Variants in PTCHD4 observed in about 807,000 individuals in gnomAD.
PTCHD4 encodes patched domain containing 4.
In PTCHD4, 33 loss-of-function variants were observed where a neutral mutation model predicts 58.1. That is an observed-to-expected ratio of 0.57 (90% confidence interval 0.43 to 0.76). PTCHD4 has a LOEUF of 0.76. Among genes scored for constraint, PTCHD4 ranks in the 30% least tolerant of loss-of-function variants. The pLI is 0.00. For missense variants in PTCHD4, 1,058 were observed against 1,027.1 expected (o/e 1.03, Z -0.41); for synonymous variants, 478 against 409.6 (o/e 1.17, Z -2.02).
intron 1 of PTCHD4, among the ~76,000 whole-genome samples, chr6:48,079,556 A>G (rs2113892118): frequency 6.6e-6 from 1 of 151,750 alleles, no homozygotes; most frequent in East Asian, 1.9e-4. Context: ...CAAGTAGGGC[A>G]GAGGAGAAAA....
chr6:48,009,147 C>T (rs546341937), intron 3 of PTCHD4, 33 bp from the exon 4 acceptor site: 27 of 1,562,076 alleles, frequency 1.7e-5, no homozygotes, highest in African/African-American at 4.1e-5. Flanking sequence ...ACTTCAGTTA[C>T]GGATGTATAT....
chr6:48,033,487 G>T (rs948240808), intron 3 of PTCHD4, among the ~76,000 whole-genome samples: 1 of 151,256 alleles, frequency 6.6e-6, no homozygotes, highest in Non-Finnish European at 1.5e-5. Context: ...AGTGAGACCG[G>T]CCTTCCCCTT....
At chr6:47,974,366 A>G (rs562462574) in intron 4 of PTCHD4, among the ~76,000 whole-genome samples, 1 of 152,328 alleles carries the variant, frequency 6.6e-6, no homozygotes, top group South Asian at 2.1e-4. Context: ...GTAATTAAAC[A>G]TGGACTTTGA....
intron 4 of PTCHD4, among the ~76,000 whole-genome samples, chr6:47,929,759 G>A (rs1387299120): frequency 6.6e-6 from 1 of 152,210 alleles, no homozygotes; most frequent in Non-Finnish European, 1.5e-5. Flanking sequence ...AAGTCTGTGT[G>A]CCAACACAAG....
intron 3 of PTCHD4, among the ~76,000 whole-genome samples, chr6:48,048,283 G>A (rs572066387): frequency 3.9e-5 from 6 of 152,024 alleles, no homozygotes; most frequent in African/African-American, 1.4e-4. Flanking sequence ...TTATCATCAA[G>A]CAGTCATTCA....
rs1474593786 is a variant in PTCHD4, at chr6:47,861,491, A to G, written c.*16812T>C. Among the ~76,000 whole-genome samples the G allele has an allele frequency of 2.0e-5, 3 of 151,906 alleles. No individual in the cohort carries two copies. Among genetic ancestry groups the G allele is most frequent in the Non-Finnish European group, 4.4e-5 (3 of 67,906 alleles). The stretch of plus-strand genomic sequence containing the variant: ...CTCAAGGCTGTATCTGCTGTGTTTA[A>G]TACACTAATCAATCATTAGGCATCC... On this transcript the variant is annotated 3_prime_UTR_variant, in exon 5 of 5. Coordinates refer to ENST00000339488, the MANE Select transcript of PTCHD4 (RefSeq NM_001384253.1).
intron 4 of PTCHD4, among the ~76,000 whole-genome samples, chr6:47,994,900 T>G (rs1472752459): frequency 6.6e-6 from 1 of 152,084 alleles, no homozygotes; most frequent in Non-Finnish European, 1.5e-5. Flanking sequence ...TAAGAAGAAT[T>G]AGAATGGACA....
At chr6:47,984,793 T>G (rs977276547) in intron 4 of PTCHD4, among the ~76,000 whole-genome samples, 4 of 152,098 alleles carry the variant, frequency 2.6e-5, no homozygotes, top group Non-Finnish European at 5.9e-5. Flanking sequence ...TTGTCATAAT[T>G]GCACTTATGA....
intron 4 of PTCHD4, among the ~76,000 whole-genome samples, chr6:47,985,428 A>G (rs937779035): frequency 1.3e-5 from 2 of 152,160 alleles, no homozygotes; most frequent in African/African-American, 4.8e-5. Context: ...AAGCATATAC[A>G]TAGACAGCAA....
intron 1 of PTCHD4, among the ~76,000 whole-genome samples, chr6:48,094,523 G>A (rs1765424176): frequency 6.6e-6 from 1 of 152,198 alleles, no homozygotes; most frequent in African/African-American, 2.4e-5. Flanking sequence ...TCAACTGAGA[G>A]CAGCACTGAC....
chr6:47,879,514 G>C lies in PTCHD4; in HGVS notation c.1321C>G (p.His441Asp), dbSNP rs1358015076. 2 of 1,613,692 alleles carry C rather than the reference G, an allele frequency of 1.2e-6. No homozygotes were observed. The highest frequency in any genetic ancestry group is 1.1e-5 in the South Asian group (1 of 91,072). Residue 441 changes from histidine (H) to aspartate (D), a missense_variant, in exon 5 of 5, where the codon CAC becomes GAC. Transcript: ENST00000339488. ...SHHETNPYQHHFIQHFLREHY... is the reference protein window; with the variant it reads ...SHHETNPYQHDFIQHFLREHY... The stretch of plus-strand genomic sequence containing the variant: ...TCACGGAGGAAGTGCTGAATGAAGT[G>C]GTGCTGGTAGGGGTTCGTCTCATGA...
At chr6:47,948,002 A>G (rs1766488151) in intron 4 of PTCHD4, among the ~76,000 whole-genome samples, 1 of 152,110 alleles carries the variant, frequency 6.6e-6, no homozygotes, top group Admixed American at 6.6e-5. Context: ...TAATTTCTTC[A>G]GCTTGATTTC....
intron 4 of PTCHD4, among the ~76,000 whole-genome samples, chr6:47,925,986 A>G (rs755409592): frequency 2.0e-4 from 30 of 152,292 alleles, no homozygotes; most frequent in Admixed American, 7.8e-4. Flanking sequence ...ACTCTCGCAA[A>G]TGAGACTCTT....
rs539364435 is a variant in PTCHD4 at position 47,937,816 on chromosome 6, T to G, written c.899-57880A>C. On this transcript the variant is annotated intron_variant, in intron 4 of 4. Coordinates refer to ENST00000339488, the MANE Select transcript of PTCHD4 (RefSeq NM_001384253.1). ...GCAATGGAGACTTGGAAGAAGCAAC[T>G]ACATTGGAATAAAACCAAGAAGGAG... 2.6e-4 allele frequency among the ~76,000 whole-genome samples: 39 copies of G among 152,250 alleles called. 2 individuals are homozygous for G. In the South Asian group the frequency reaches 7.9e-3, roughly 31 times the overall value.
chr6:47,977,142 C>G (rs1205444177), intron 4 of PTCHD4, among the ~76,000 whole-genome samples: 35 of 152,260 alleles, frequency 2.3e-4, no homozygotes, highest in East Asian at 1.9e-4. Context: ...CAGAGTTATA[C>G]AGAAGTTAAG....
At chr6:48,037,145 C>T (rs1045195971) in intron 3 of PTCHD4, among the ~76,000 whole-genome samples, 3 of 152,064 alleles carry the variant, frequency 2.0e-5, no homozygotes, top group East Asian at 1.9e-4. Flanking sequence ...TATTATCTCA[C>T]GTCATGACTA....
rs144045350 is a variant in PTCHD4 at position 48,007,168 on chromosome 6, C to T, written c.898+1466G>A. On this transcript the variant is annotated intron_variant, in intron 4 of 4. Coordinates refer to ENST00000339488, the MANE Select transcript of PTCHD4 (RefSeq NM_001384253.1). ...GGCAAGAGGATCATTTGAACCTGAG[C>T]AAGAGAGGTTGCAGTGAGTTGAGAT... is the stretch of plus-strand genomic sequence containing the variant. Among the ~76,000 whole-genome samples, 822 of 152,044 alleles carry T rather than the reference C, an allele frequency of 5.4e-3. 8 individuals carry two copies. The highest frequency in any genetic ancestry group is 0.019 in the African/African-American group (779 of 41,506).
At chr6:47,915,858 C>T (rs776301005) in intron 4 of PTCHD4, among the ~76,000 whole-genome samples, 9 of 152,086 alleles carry the variant, frequency 5.9e-5, no homozygotes, top group Non-Finnish European at 1.2e-4. Flanking sequence ...CATTGACTGT[C>T]TCAGTGCAAA....
intron 3 of PTCHD4, among the ~76,000 whole-genome samples, chr6:48,014,511 G>T (rs1274290902): frequency 6.6e-6 from 1 of 152,192 alleles, no homozygotes; most frequent in Non-Finnish European, 1.5e-5. Flanking sequence ...AATGGTAAAA[G>T]TTCCTTAGTT....
Sources: gnomAD v4.1 joint callset for allele counts (sites outside exome capture counted in the v4.1 genomes callset) on GRCh38, gnomAD v4.1.1 for gene constraint, MANE v1.5 for transcripts, NCBI Gene and HGNC (gene_info 2026-07-23, HGNC 2026-07-21) for gene names.